The following STK33 variants were observed in gnomAD, a reference collection of about 807,000 sequenced individuals.
STK33 encodes the protein serine/threonine-protein kinase 33.
A neutral mutation model predicts 58.0 loss-of-function variants in STK33; 52 were observed. The observed-to-expected ratio is 0.90, with a 90% CI of 0.72 to 1.13. STK33 has a LOEUF of 1.13. Ranked by LOEUF, STK33 falls within the 50% of genes most tolerant of loss-of-function variation. The pLI, the probability that STK33 is intolerant of heterozygous loss-of-function variation, is 0.00. For missense variants in STK33, 630 were observed against 604.2 expected (o/e 1.04, Z -0.45); for synonymous variants, 215 against 200.1 (o/e 1.07, Z -0.63).
chr11:8,340,336 G>T, the STK33 span, among the ~76,000 whole-genome samples: 1 of 152,128 alleles, frequency 6.6e-6, no homozygotes, highest in Non-Finnish European at 1.5e-5. Context: ...TTGCCCTAAG[G>T]TCCCCAAGGC....
chr11:8,477,587 T>A (rs1269740531), intron 2 of STK33, among the ~76,000 whole-genome samples: 3 of 152,160 alleles, frequency 2.0e-5, no homozygotes, highest in Non-Finnish European at 4.4e-5. Flanking sequence ...ACTTACCATA[T>A]CCTTCAAGGT....
At chr11:8,541,083 T>C (rs1955482014) in intron 1 of STK33, among the ~76,000 whole-genome samples, 1 of 151,674 alleles carries the variant, frequency 6.6e-6, no homozygotes, top group African/African-American at 2.4e-5. Flanking sequence ...TGAAACAACA[T>C]TTTACAATGG....
At chr11:8,351,954 G>A in the STK33 span, among the ~76,000 whole-genome samples, 30 of 152,320 alleles carry the variant, frequency 2.0e-4, 1 homozygote, top group African/African-American at 6.3e-4. Flanking sequence ...CGGCGCTCAC[G>A]GTCGGAGGAC....
intron 1 of STK33, among the ~76,000 whole-genome samples, chr11:8,539,338 A>T (rs1955315778): frequency 6.6e-6 from 1 of 152,168 alleles, no homozygotes. Context: ...GCATCTCAAA[A>T]TGTTCCCTCA....
chr11:8,450,394 C>T (rs1449973709), intron 11 of STK33, among the ~76,000 whole-genome samples: 8 of 151,778 alleles, frequency 5.3e-5, no homozygotes, highest in South Asian at 4.2e-4. Context: ...CATCACACAC[C>T]GGGGCCTGTT....
chr11:8,367,694 C>T, the STK33 span, among the ~76,000 whole-genome samples: 1 of 152,208 alleles, frequency 6.6e-6, no homozygotes, highest in Non-Finnish European at 1.5e-5. Context: ...GAAGTGGGCA[C>T]TATCACCATT....
At chr11:8,373,197 G>T in the STK33 span, among the ~76,000 whole-genome samples, 1 of 152,116 alleles carries the variant, frequency 6.6e-6, no homozygotes, top group African/African-American at 2.4e-5. Flanking sequence ...GCAGAAGGAC[G>T]CGAGGCCTCT....
intron 1 of STK33, among the ~76,000 whole-genome samples, chr11:8,482,631 G>T (rs572041190): frequency 1.3e-5 from 2 of 152,228 alleles, no homozygotes; most frequent in South Asian, 4.1e-4. Flanking sequence ...AGATACCAGG[G>T]TTTGAATTCT....
chr11:8,579,540 A>T (rs1958419341), intron 1 of STK33, among the ~76,000 whole-genome samples: 1 of 151,996 alleles, frequency 6.6e-6, no homozygotes, highest in Non-Finnish European at 1.5e-5. Context: ...CAACCTGTTA[A>T]ATATGAATTT....
intron 1 of STK33, among the ~76,000 whole-genome samples, chr11:8,494,233 A>T (rs1192108492): frequency 1.3e-5 from 2 of 152,236 alleles, no homozygotes; most frequent in East Asian, 3.8e-4. Context: ...TTAAGCTGAT[A>T]AGCAACTTCA....
intron 1 of STK33, among the ~76,000 whole-genome samples, chr11:8,583,338 C>A (rs764811176): frequency 6.6e-6 from 1 of 151,564 alleles, no homozygotes; most frequent in Non-Finnish European, 1.5e-5. Context: ...AATATTTCTA[C>A]TAAAAAAAAA....
intron 1 of STK33, among the ~76,000 whole-genome samples, chr11:8,558,296 C>A (rs1472028283): frequency 6.6e-6 from 1 of 151,818 alleles, no homozygotes; most frequent in Non-Finnish European, 1.5e-5. Flanking sequence ...TAAGGAAATA[C>A]CTACATTCCT....
intron 10 of STK33, among the ~76,000 whole-genome samples, chr11:8,454,399 C>G (rs1051336975): frequency 6.6e-6 from 1 of 152,098 alleles, no homozygotes; most frequent in Non-Finnish European, 1.5e-5. Context: ...CAAAAGCACA[C>G]GCAAGGTGTG....
chr11:8,509,900 C>T (rs914204862), intron 1 of STK33, among the ~76,000 whole-genome samples: 8 of 152,162 alleles, frequency 5.3e-5, no homozygotes, highest in African/African-American at 1.9e-4. Context: ...TTTATCCACT[C>T]CTTGACTGAT....
intron 1 of STK33, among the ~76,000 whole-genome samples, chr11:8,574,311 G>A (rs1958029120): frequency 6.6e-6 from 1 of 152,102 alleles, no homozygotes; most frequent in African/African-American, 2.4e-5. Flanking sequence ...TAATATTGAG[G>A]GAGGATGGTT....
chr11:8,339,319 A>G, the STK33 span, among the ~76,000 whole-genome samples: 3 of 152,190 alleles, frequency 2.0e-5, no homozygotes, highest in African/African-American at 7.2e-5. Flanking sequence ...AAAAACCTGC[A>G]CAGGAAACGA....
the STK33 span, among the ~76,000 whole-genome samples, chr11:8,338,586 C>G: frequency 6.6e-6 from 1 of 152,228 alleles, no homozygotes; most frequent in East Asian, 1.9e-4. Flanking sequence ...CTGCCACGCA[C>G]CTCCCTTACT....
At chr11:8,523,183 GC>G (rs1953656189) in intron 1 of STK33, among the ~76,000 whole-genome samples, 1 of 152,190 alleles carries the variant, frequency 6.6e-6, no homozygotes, top group South Asian at 2.1e-4. Context: ...CTCCCAAAGT[GC>G]CGAGATTGCA....
intron 1 of STK33, among the ~76,000 whole-genome samples, chr11:8,531,499 A>T (rs1591654118): frequency 1.3e-5 from 2 of 152,318 alleles, no homozygotes; most frequent in East Asian, 3.9e-4. Context: ...TGAAAGCTCA[A>T]ATTACACTGT....
Sources: allele counts gnomAD v4.1 joint callset (sites outside exome capture counted in the v4.1 genomes callset), GRCh38; gene constraint gnomAD v4.1.1; transcripts MANE v1.5; gene names NCBI Gene and HGNC (gene_info 2026-07-23, HGNC 2026-07-21).